The following NDST3 variants were observed in gnomAD, a reference collection of about 807,000 sequenced individuals.
The protein encoded by NDST3 is N-deacetylase and N-sulfotransferase 3.
Under a neutral mutation model 96.1 loss-of-function variants are expected in NDST3, and 58 were observed. That is an observed-to-expected ratio of 0.60 (90% confidence interval 0.49 to 0.75). The LOEUF is 0.75. NDST3 is among the 30% of genes least tolerant of loss of function. The pLI is 0.00. For missense variants in NDST3, 788 were observed against 1,034.2 expected (o/e 0.76, Z 3.27); for synonymous variants, 333 against 359.7 (o/e 0.93, Z 0.84).
chr4:118,119,897 T>C (rs779313088), intron 4 of NDST3, among the ~76,000 whole-genome samples: 39 of 152,052 alleles, frequency 2.6e-4, no homozygotes, highest in Non-Finnish European at 1.9e-4. Context: ...GCAGTTCTGA[T>C]TGGTCAGTGG....
intron 2 of NDST3, among the ~76,000 whole-genome samples, chr4:118,083,389 T>G (rs933343741): frequency 1.4e-4 from 21 of 152,312 alleles, no homozygotes; most frequent in African/African-American, 4.8e-4. Context: ...TTAATTCGAT[T>G]TATTATTGAG....
intron 2 of NDST3, among the ~76,000 whole-genome samples, chr4:118,090,488 A>C (rs1224113708): frequency 6.6e-6 from 1 of 151,836 alleles, no homozygotes; most frequent in Non-Finnish European, 1.5e-5. Flanking sequence ...TTTGACCTTT[A>C]ATTAAACAAA....
chr4:118,201,404 A>G (rs1359077503), intron 6 of NDST3, among the ~76,000 whole-genome samples: 1 of 152,184 alleles, frequency 6.6e-6, no homozygotes, highest in Non-Finnish European at 1.5e-5. Flanking sequence ...TCCCACTAAC[A>G]ATGTATAAGT....
intron 2 of NDST3, among the ~76,000 whole-genome samples, chr4:118,077,851 T>C (rs1474199870): frequency 6.6e-6 from 1 of 152,134 alleles, no homozygotes; most frequent in East Asian, 1.9e-4. Flanking sequence ...CGAGTTCAGG[T>C]AGAAGCAGTC....
At chr4:118,239,517 A>C (rs140108501) in intron 10 of NDST3, among the ~76,000 whole-genome samples, 1 of 152,300 alleles carries the variant, frequency 6.6e-6, no homozygotes, top group Admixed American at 6.5e-5. Context: ...TGATTTTGCA[A>C]CTTCTACCTT....
chr4:118,137,352 T>C (rs188348917), intron 4 of NDST3, among the ~76,000 whole-genome samples: 1 of 152,024 alleles, frequency 6.6e-6, no homozygotes, highest in Admixed American at 6.6e-5. Flanking sequence ...TCTATGCCTT[T>C]TTTTTTTTAA....
rs769550748 is a variant in NDST3 at position 118,054,461 on chromosome 4, T to C, written c.551T>C (p.Ile184Thr). 21 of 1,612,932 alleles carry C rather than the reference T, an allele frequency of 1.3e-5. No individual in the cohort carries two copies. Among genetic ancestry groups the C allele is most frequent in the Non-Finnish European group, 1.7e-5 (20 of 1,179,402 alleles). The change falls in exon 2 of 14, where the codon ATA becomes ACA. Residue 184 changes from isoleucine (I) to threonine (T), a missense_variant. By Grantham distance (89) the Ile-to-Thr change is moderately conservative. Around this residue, in one of 3 missense-constraint regions of NDST3, gnomAD observed 234 missense variants for 256.9 expected, o/e 0.91. Transcript: ENST00000296499. ...CAGTTAAAAGGTTTCCCTTTTTCCATATATGGAAATCTTGCAGTAAAAGAT... is the reference window on the plus strand; with the variant it reads ...CAGTTAAAAGGTTTCCCTTTTTCCACATATGGAAATCTTGCAGTAAAAGAT... Reference protein sequence around the residue: ...SFQLKGFPFSIYGNLAVKDCC... With the variant: ...SFQLKGFPFSTYGNLAVKDCC...
rs1578638026 is a variant in NDST3 at position 118,100,750 on chromosome 4, G to A, written c.982-4268G>A. ...AAATCCTTGTTAAGTCACCTCTTTA[G>A]CTCTTAAATAGCTTTGTGACCAAGG... On this transcript the variant is annotated intron_variant, in intron 2 of 13. Transcript: ENST00000296499. Among the ~76,000 whole-genome samples the A allele has an allele frequency of 2.0e-5, 3 of 152,204 alleles. No individual in the cohort carries two copies. In the South Asian group the frequency reaches 6.2e-4, roughly 32 times the overall value.
chr4:118,117,413 T>C (rs1253884943), intron 4 of NDST3, among the ~76,000 whole-genome samples: 1 of 152,168 alleles, frequency 6.6e-6, no homozygotes, highest in Non-Finnish European at 1.5e-5. Context: ...CAAAAATCCT[T>C]AAGTTTAAAA....
At chr4:118,060,883 G>A (rs1433081947) in intron 2 of NDST3, among the ~76,000 whole-genome samples, 1 of 152,096 alleles carries the variant, frequency 6.6e-6, no homozygotes, top group African/African-American at 2.4e-5. Context: ...TAATGTTGCT[G>A]TTTAACACCG....
rs192936598 is a variant in NDST3 at position 118,107,116 on chromosome 4, C to A, written c.1069+2011C>A. ...AAATAATAATAATAATAATAATCAT[C>A]ATCATCATCATCTAATTAGCACCCA... On this transcript the variant is annotated intron_variant, in intron 3 of 13. Coordinates refer to ENST00000296499, the MANE Select transcript of NDST3 (RefSeq NM_004784.3). 3.3e-3 allele frequency among the ~76,000 whole-genome samples: 500 copies of A among 151,998 alleles called. 2 individuals are homozygous for A. Among genetic ancestry groups the A allele is most frequent in the African/African-American group, 0.012 (485 of 41,444 alleles).
chr4:118,127,505 A>T (rs10021781), intron 4 of NDST3, among the ~76,000 whole-genome samples: 127,454 of 152,024 alleles, frequency 0.84, 54,931 homozygotes, highest in South Asian at 0.95. Flanking sequence ...TCACTGTAGG[A>T]GTATTAATTT....
At chr4:118,236,722 G>T (rs1740669976) in intron 9 of NDST3, among the ~76,000 whole-genome samples, 1 of 152,134 alleles carries the variant, frequency 6.6e-6, no homozygotes, top group Admixed American at 6.5e-5. Flanking sequence ...TCTCTGTACA[G>T]TGTTTCTACA....
At chr4:118,072,045 G>A (rs1727123292) in intron 2 of NDST3, among the ~76,000 whole-genome samples, 1 of 151,996 alleles carries the variant, frequency 6.6e-6, no homozygotes, top group Non-Finnish European at 1.5e-5. Flanking sequence ...TTGTAAGTGT[G>A]AGGCTTTATT....
chr4:118,202,918 T>C (rs1170677519), intron 6 of NDST3, among the ~76,000 whole-genome samples: 2 of 152,362 alleles, frequency 1.3e-5, no homozygotes, highest in East Asian at 3.9e-4. Flanking sequence ...CTTCAAGCTA[T>C]TGTCCACTTA....
chr4:118,248,079 T>C (rs1055097409), intron 12 of NDST3, among the ~76,000 whole-genome samples: 2 of 152,100 alleles, frequency 1.3e-5, no homozygotes, highest in Non-Finnish European at 2.9e-5. Context: ...AGCCAGGCAC[T>C]GTGGCTCACG....
intron 3 of NDST3, among the ~76,000 whole-genome samples, chr4:118,113,660 G>A (rs1730826188): frequency 6.6e-6 from 1 of 152,152 alleles, no homozygotes; most frequent in Non-Finnish European, 1.5e-5. Flanking sequence ...CTGGTCCAGG[G>A]TAGCAGTCCA....
chr4:118,043,600 A>C (rs1724589876), intron 1 of NDST3, among the ~76,000 whole-genome samples: 1 of 152,240 alleles, frequency 6.6e-6, no homozygotes, highest in Admixed American at 6.5e-5. Context: ...ATGATGCCTC[A>C]CAAGTGAAGG....
chr4:118,161,458 G>A (rs1317511414), intron 6 of NDST3, among the ~76,000 whole-genome samples: 1 of 152,168 alleles, frequency 6.6e-6, no homozygotes, highest in Non-Finnish European at 1.5e-5. Flanking sequence ...TTGTTTGTCT[G>A]TGCCCTGCCC....
Sources: gnomAD v4.1 joint callset for allele counts (sites outside exome capture counted in the v4.1 genomes callset) on GRCh38, gnomAD v4.1.1 for gene constraint, gnomAD v4.1.1 regional missense constraint, MANE v1.5 for transcripts, NCBI Gene and HGNC (gene_info 2026-07-23, HGNC 2026-07-21) for gene names.